RYR2: variants seen among roughly 807,000 people sequenced by gnomAD.
RYR2 encodes the protein ryanodine receptor 2, also known as cardiac muscle ryanodine receptor-calcium release channel.
A neutral mutation model predicts 601.1 loss-of-function variants in RYR2; 227 were observed. The observed-to-expected ratio is 0.38, with a 90% CI of 0.34 to 0.42. The LOEUF (loss-of-function observed/expected upper bound fraction) is 0.42. Among genes scored for constraint, RYR2 ranks in the 10% least tolerant of loss-of-function variants. The pLI is 1.00. For synonymous variants in RYR2, 2,223 were observed against 2,175.1 expected (o/e 1.02, Z -0.61); for missense variants, 4,646 against 6,156.5 (o/e 0.75, Z 8.21).
chr1:237,734,112 T>C (rs1690928662), intron 79 of RYR2, among the ~76,000 whole-genome samples: 1 of 152,192 alleles, frequency 6.6e-6, no homozygotes, highest in Admixed American at 6.5e-5. Flanking sequence ...CCTGATGAAC[T>C]TAATGGCAGA....
At chr1:237,065,495 C>T (rs6658508) in intron 1 of RYR2, among the ~76,000 whole-genome samples, 117,156 of 151,520 alleles carry the variant, frequency 0.77, 45,841 homozygotes, top group East Asian at 0.98. Context: ...CTATGTTGGC[C>T]AGGCTGGTCT....
intron 3 of RYR2, chr1:237,333,673 C>G: frequency 2.2e-6 from 1 of 455,876 alleles, no homozygotes. Context: ...TTGTAGGAAC[C>G]AAGTCTTCTG....
At chr1:237,623,732 C>T (rs1301764492) in intron 38 of RYR2, 33 bp from the exon 39 acceptor site, 1 of 1,406,280 alleles carries the variant, frequency 7.1e-7, no homozygotes, top group East Asian at 2.3e-5. Flanking sequence ...TTTCTTCCTC[C>T]TTCTTCCTCT....
intron 1 of RYR2, among the ~76,000 whole-genome samples, chr1:237,134,555 G>A (rs1358276909): frequency 6.6e-6 from 1 of 152,124 alleles, no homozygotes; most frequent in African/African-American, 2.4e-5. Context: ...CCATGATTCA[G>A]TTACCTCCCA....
intron 2 of RYR2, among the ~76,000 whole-genome samples, chr1:237,302,820 T>A (rs1000343905): frequency 6.6e-6 from 1 of 152,212 alleles, no homozygotes; most frequent in Non-Finnish European, 1.5e-5. Context: ...CTCTGGACAC[T>A]GTTCAACATT....
chr1:237,083,620 A>G (rs901081799), intron 1 of RYR2, among the ~76,000 whole-genome samples: 7 of 152,126 alleles, frequency 4.6e-5, no homozygotes, highest in African/African-American at 1.7e-4. Flanking sequence ...AGAAGGAGAT[A>G]GTGGGCTATT....
rs908562130 is a variant in RYR2, at chr1:237,227,800, G to C, written c.49-42697G>C. Among the ~76,000 whole-genome samples, 3 of 152,150 alleles carry C rather than the reference G, an allele frequency of 2.0e-5. No homozygotes were observed. In the South Asian group the frequency reaches 6.2e-4, roughly 32 times the overall value. On this transcript the variant is annotated intron_variant, in intron 1 of 104. Transcript: ENST00000366574. Reference sequence around the variant, plus strand: ...TCCAGCCACTTGCAACCCTGCACTGGAATAAGTGGATAATTATCTTACTTT... The same window carrying C: ...TCCAGCCACTTGCAACCCTGCACTGCAATAAGTGGATAATTATCTTACTTT...
intron 101 of RYR2, among the ~76,000 whole-genome samples, chr1:237,826,804 G>A (rs930436909): frequency 3.9e-5 from 6 of 152,064 alleles, no homozygotes; most frequent in Non-Finnish European, 7.4e-5. Flanking sequence ...TTATGAGAAT[G>A]GTGCTCTTAT....
intron 18 of RYR2, 99 bp from the exon 19 acceptor site, chr1:237,492,855 G>T: frequency 1.6e-6 from 2 of 1,231,336 alleles, no homozygotes; most frequent in Non-Finnish European, 2.2e-6. Flanking sequence ...AAGGAAGGAA[G>T]GAAGGAAGGA....
rs1675465764 is a variant in RYR2, at chr1:237,593,499, T to C, written c.4299T>C (p.Phe1433=). The change falls in exon 33 of 105, where the codon TTT becomes TTC. Residue 1433 remains phenylalanine (F), a synonymous_variant. Coordinates refer to ENST00000366574, the MANE Select transcript of RYR2 (RefSeq NM_001035.3). ...TSTYYYSVRI[F]PGQEPANVWV... ...AGTACTATTACTCAGTGAGAATCTT[T>C]CCTGGACAAGAACCTGCTAATGTCT... The C allele has an allele frequency of 1.9e-6, 3 of 1,613,558 alleles. No homozygotes were observed. The highest frequency in any genetic ancestry group is 2.5e-6 in the Non-Finnish European group (3 of 1,179,752).
In RYR2 at chr1:237,385,740, C is replaced by T. The variant is rs1189511349; in HGVS notation, c.577-1541C>T. Among the ~76,000 whole-genome samples the T allele has an allele frequency of 3.3e-5, 5 of 152,088 alleles. No homozygotes were observed. The East Asian group carries it at 9.6e-4, about 29-fold the overall frequency. On this transcript the variant is annotated intron_variant, in intron 8 of 104. Coordinates refer to ENST00000366574, the MANE Select transcript of RYR2 (RefSeq NM_001035.3). ...TATTGAAATACGAGTATTTATGGAACAGCTTAAAATGTGTGTTTTTATGTT... is the reference window on the plus strand; with the variant it reads ...TATTGAAATACGAGTATTTATGGAATAGCTTAAAATGTGTGTTTTTATGTT...
intron 17 of RYR2, among the ~76,000 whole-genome samples, chr1:237,472,511 T>C (rs1660846681): frequency 1.3e-5 from 2 of 152,132 alleles, no homozygotes; most frequent in Non-Finnish European, 1.5e-5. Flanking sequence ...AAAAACAACA[T>C]TGGAAATGAA....
chr1:237,586,405 T>C (rs1674531150), intron 29 of RYR2, among the ~76,000 whole-genome samples: 2 of 152,214 alleles, frequency 1.3e-5, no homozygotes, highest in East Asian at 3.9e-4. Context: ...CTAAGCATTA[T>C]ACATACAAGA....
chr1:237,491,688 T>G, intron 17 of RYR2, 118 bp from the exon 18 acceptor site: 1 of 611,224 alleles, frequency 1.6e-6, no homozygotes, highest in Non-Finnish European at 3.0e-6. Flanking sequence ...AACAGTCACA[T>G]TGAGCACAGA....
chr1:237,277,517 G>A (rs1690407021), intron 2 of RYR2, among the ~76,000 whole-genome samples: 1 of 152,158 alleles, frequency 6.6e-6, no homozygotes, highest in African/African-American at 2.4e-5. Flanking sequence ...CTATAGGAGT[G>A]GATTGATGAG....
intron 36 of RYR2, among the ~76,000 whole-genome samples, chr1:237,613,520 A>T (rs10733119): frequency 1.3e-5 from 2 of 152,120 alleles, no homozygotes; most frequent in African/African-American, 2.4e-5. Context: ...AGTCTGGAGT[A>T]CAGTGGCGCG....
intron 88 of RYR2, among the ~76,000 whole-genome samples, chr1:237,780,036 AT>A (rs540326814): frequency 6.6e-6 from 1 of 152,126 alleles, no homozygotes; most frequent in African/African-American, 2.4e-5. Flanking sequence ...GGAACTGTTG[AT>A]TTTTTTATCA....
At chr1:237,226,278 A>T (rs1021625247) in intron 1 of RYR2, among the ~76,000 whole-genome samples, 5 of 152,052 alleles carry the variant, frequency 3.3e-5, no homozygotes, top group African/African-American at 1.2e-4. Context: ...CCTCTCACTG[A>T]TTGCTGGAAT....
At chr1:237,791,656 T>C in intron 93 of RYR2, 141 bp downstream of exon 93, 2 of 605,482 alleles carry the variant, frequency 3.3e-6, no homozygotes, top group South Asian at 4.2e-5. Context: ...GGCACTGATA[T>C]CACTGTTATC....
Sources: gnomAD v4.1 joint callset for allele counts (sites outside exome capture counted in the v4.1 genomes callset) on GRCh38, gnomAD v4.1.1 for gene constraint, MANE v1.5 for transcripts, NCBI Gene and HGNC (gene_info 2026-07-23, HGNC 2026-07-21) for gene names.